The following POGZ variants were observed in gnomAD, a reference collection of about 807,000 sequenced individuals.
POGZ encodes the protein pogo transposable element derived with ZNF domain, also known as pogo transposable element with ZNF domain.
A neutral mutation model predicts 134.6 loss-of-function variants in POGZ; 17 were observed. The observed-to-expected ratio is 0.13, with a 90% CI of 0.09 to 0.19. POGZ has a LOEUF of 0.19. Ranked by LOEUF, POGZ falls within the 10% of genes least tolerant of loss-of-function variation. The pLI, the probability that POGZ is intolerant of heterozygous loss-of-function variation, is 1.00. For synonymous variants in POGZ, 693 were observed against 657.1 expected (o/e 1.05, Z -0.84); for missense variants, 1,306 against 1,769.7 (o/e 0.74, Z 4.70).
chr1:151,452,408 T>C (rs912934318), intron 1 of POGZ, among the ~76,000 whole-genome samples: 1 of 151,890 alleles, frequency 6.6e-6, no homozygotes, highest in Non-Finnish European at 1.5e-5. Flanking sequence ...TGGAGTGCAG[T>C]GGCACAATCA....
chr1:151,446,886 A>C (rs1388528223), intron 1 of POGZ, among the ~76,000 whole-genome samples: 1 of 152,044 alleles, frequency 6.6e-6, no homozygotes, highest in Non-Finnish European at 1.5e-5. Context: ...CTTTTCTGCT[A>C]ATTTTAATGA....
chr1:151,428,717 A>C (rs546117567), intron 5 of POGZ, among the ~76,000 whole-genome samples: 2 of 152,338 alleles, frequency 1.3e-5, no homozygotes, highest in African/African-American at 4.8e-5. Context: ...GGAAGAAAAG[A>C]GTGGGAAGCA....
At chr1:151,418,487 T>C (rs562989244) in intron 10 of POGZ, among the ~76,000 whole-genome samples, 11 of 152,084 alleles carry the variant, frequency 7.2e-5, no homozygotes, top group East Asian at 5.8e-4. Flanking sequence ...GGTACAAATA[T>C]ATGGTTTGAA....
chr1:151,454,994 C>T (rs1483164818), intron 1 of POGZ: 1 of 151,958 alleles, frequency 6.6e-6, no homozygotes, highest in Non-Finnish European at 1.5e-5. Context: ...GTAATCCCAG[C>T]TACTGAGGAA....
At chr1:151,451,282 CAAT>C (rs879785596) in intron 1 of POGZ, among the ~76,000 whole-genome samples, 37 of 151,232 alleles carry the variant, frequency 2.4e-4, no homozygotes, top group Non-Finnish European at 4.9e-4. Flanking sequence ...GTATTACTGA[CAAT>C]AATATTTAAC....
At position 151,424,138 on chromosome 1, in the gene POGZ, G is replaced by T; in HGVS notation, c.1334C>A (p.Ser445Ter). Residue 445 changes from serine (S) to a stop codon, truncating the protein, a stop_gained, in exon 9 of 19, where the codon TCA becomes TAA. Transcript: ENST00000271715. LOFTEE classifies it high-confidence loss of function. Reference protein sequence around the residue: ...TPSSTPIPALSPPTKVPEPNE... With the variant: ...TPSSTPIPAL The stretch of plus-strand genomic sequence containing the variant: ...TGGTTCTGGTACTTTGGTAGGCGGT[G>T]ACAGAGCAGGAATAGGTGTAGAAGA... 2 of 1,614,144 alleles carry T rather than the reference G, an allele frequency of 1.2e-6. No individual in the cohort carries two copies. The highest frequency in any genetic ancestry group is 1.1e-5 in the South Asian group (1 of 91,076).
intron 7 of POGZ, among the ~76,000 whole-genome samples, chr1:151,425,714 T>A (rs1054231820): frequency 1.3e-5 from 2 of 152,210 alleles, no homozygotes; most frequent in African/African-American, 4.8e-5. Flanking sequence ...CTGAACAATA[T>A]ACCATTGTAT....
Position 151,408,510 on chromosome 1 carries a change from G to C in POGZ, c.2133C>G (p.Ala711=), listed in dbSNP as rs764993374. ...PVSSNDTPPS[A]LQEAAPLTSS... ...AGGTCAGCGGTGCTGCCTCCTGCAAGGCGCTGGGAGGTGTATCATTAGAGG... is the reference window on the plus strand; with the variant it reads ...AGGTCAGCGGTGCTGCCTCCTGCAACGCGCTGGGAGGTGTATCATTAGAGG... The change falls in exon 14 of 19, where the codon GCC becomes GCG. Residue 711 remains alanine (A), a synonymous_variant. Transcript: ENST00000271715. The C allele has an allele frequency of 6.3e-7, 1 of 1,591,570 alleles. No individual in the cohort carries two copies. The highest frequency in any genetic ancestry group is 2.0e-5 in the Admixed American group (1 of 51,128).
intron 10 of POGZ, among the ~76,000 whole-genome samples, chr1:151,413,768 C>T (rs1655143906): frequency 1.3e-5 from 2 of 152,080 alleles, no homozygotes; most frequent in Non-Finnish European, 2.9e-5. Context: ...CAACCCTGAC[C>T]TCCCAAGCTC....
At chr1:151,455,168 A>G (rs936810352) in intron 1 of POGZ, 4 of 152,182 alleles carry the variant, frequency 2.6e-5, no homozygotes, top group African/African-American at 7.2e-5. Flanking sequence ...AGAATACCAA[A>G]GAATCTATCA....
chr1:151,406,362 C>A lies in POGZ; in HGVS notation c.2673G>T (p.Gly891=). ...GCTCTTCAGGCTCAGCTGGGGTGGC[C>A]CCCGCAGATTTCACAGTGGCAGCTT... ...TNKAATVKSA[G]ATPAEPEELL... The change falls in exon 19 of 19, where the codon GGG becomes GGT. Residue 891 remains glycine, a synonymous_variant. Transcript: ENST00000271715. 6.3e-7 allele frequency: 1 copy of A among 1,593,098 alleles called. No homozygotes were observed. Among genetic ancestry groups the A allele is most frequent in the Non-Finnish European group, 8.5e-7 (1 of 1,170,280 alleles).
chr1:151,415,366 A>G (rs1437920531), intron 10 of POGZ, among the ~76,000 whole-genome samples: 3 of 152,164 alleles, frequency 2.0e-5, no homozygotes, highest in Non-Finnish European at 4.4e-5. Flanking sequence ...GAAAAATGTT[A>G]TAATATTTGA....
At chr1:151,406,850 A>G (rs1459088985) in intron 17 of POGZ, 61 bp downstream of exon 17, 15 of 1,280,852 alleles carry the variant, frequency 1.2e-5, no homozygotes, top group Admixed American at 3.4e-5. Flanking sequence ...TGATGCATAC[A>G]GTACGAACCT....
intron 3 of POGZ, 63 bp from the exon 4 acceptor site, chr1:151,430,904 C>CTT (rs1184790475): frequency 1.0e-4 from 43 of 426,772 alleles, no homozygotes; most frequent in African/African-American, 8.9e-4. Context: ...CCACATTTTA[C>CTT]TTTATTTTAT....
In POGZ at chr1:151,418,854, T is replaced by C. The variant is rs924198041; in HGVS notation, c.1678+4543A>G. On this transcript the variant is annotated intron_variant, in intron 10 of 18. Transcript: ENST00000271715. The stretch of plus-strand genomic sequence containing the variant: ...GCCTGGCTAACATGCTGAAACCCCG[T>C]CTCTACTAAAAATACAAAAAATTAG... Among the ~76,000 whole-genome samples the C allele has an allele frequency of 9.3e-5, 14 of 150,424 alleles. 1 individual carries two copies. The East Asian group carries it at 9.8e-4, about 11-fold the overall frequency.
chr1:151,423,271 A>T, intron 10 of POGZ, 126 bp downstream of exon 10: 1 of 779,966 alleles, frequency 1.3e-6, no homozygotes. Context: ...CTGGCTACAA[A>T]TATGAAAAGT....
At chr1:151,433,519 T>C (rs1031522947) in intron 3 of POGZ, among the ~76,000 whole-genome samples, 1 of 146,162 alleles carries the variant, frequency 6.8e-6, no homozygotes, top group African/African-American at 2.5e-5. Context: ...GAGGCAAGAG[T>C]ATTGCTTGAA....
chr1:151,449,809 T>G (rs1007645779), intron 1 of POGZ, among the ~76,000 whole-genome samples: 1 of 152,198 alleles, frequency 6.6e-6, no homozygotes, highest in Non-Finnish European at 1.5e-5. Flanking sequence ...GGCAGGAGAA[T>G]GGCATGAACC....
rs888185698 is a variant in POGZ at position 151,459,364 on chromosome 1, C to T, written c.-214G>A. ...AGTGATTCGGGGTGGATTTTTTTCCCGAGGGGGGCGGGGGGGCCCCGAGGG... is the reference window on the plus strand; with the variant it reads ...AGTGATTCGGGGTGGATTTTTTTCCTGAGGGGGGCGGGGGGGCCCCGAGGG... On this transcript the variant is annotated 5_prime_UTR_variant, in exon 1 of 19. Coordinates refer to ENST00000271715, the MANE Select transcript of POGZ (RefSeq NM_015100.4). 7.3e-5 allele frequency: 6 copies of T among 82,466 alleles called. No individual in the cohort carries two copies. In the East Asian group the frequency reaches 2.4e-3, roughly 33 times the overall value. The allele number at this position is 82,466 out of a possible 1,614,324, so 5.1% of individuals were successfully genotyped here.
Sources: gnomAD v4.1 joint callset for allele counts (sites outside exome capture counted in the v4.1 genomes callset) on GRCh38, gnomAD v4.1.1 for gene constraint, MANE v1.5 for transcripts, NCBI Gene and HGNC (gene_info 2026-07-23, HGNC 2026-07-21) for gene names.